Variants in WBP4 observed in about 807,000 individuals in gnomAD.
The protein encoded by WBP4 is WW domain-binding protein 4.
WBP4 carries 37 observed loss-of-function variants against 55.4 expected under a neutral mutation model. The observed-to-expected ratio is 0.67, with a 90% CI of 0.51 to 0.88. The LOEUF (loss-of-function observed/expected upper bound fraction) is 0.88. Ranked by LOEUF, WBP4 falls within the 40% of genes least tolerant of loss-of-function variation. The probability of loss-of-function intolerance (pLI) is 0.00; values close to 1 mark genes in which losing one functional copy is unlikely to be tolerated. For missense variants in WBP4, 398 were observed against 420.8 expected, an observed-to-expected ratio of 0.95 and a Z score of 0.47; for synonymous variants, 142 against 140.2, an observed-to-expected ratio of 1.01 and a Z score of -0.09.
At chr13:41,082,598 A>T in intron 9 of WBP4, 106 bp from the exon 10 acceptor site, 1 of 984,058 alleles carries the variant, frequency 1.0e-6, no homozygotes, top group Non-Finnish European at 1.5e-6. Flanking sequence ...CTACTCCAAA[A>T]TGAGCAACTT....
At chr13:41,066,441 T>C (rs1247391882) in intron 4 of WBP4, among the ~76,000 whole-genome samples, 13 of 152,206 alleles carry the variant, frequency 8.5e-5, no homozygotes, top group Admixed American at 8.5e-4. Context: ...ACATATTTTG[T>C]GCTGCGGTCT....
chr13:41,065,288 G>GAA lies in WBP4; in HGVS notation c.262+1_262+2insAA. 12 of 1,172,402 alleles carry GAA rather than the reference G, an allele frequency of 1.0e-5. No homozygotes were observed. Among genetic ancestry groups the GAA allele is most frequent in the South Asian group, 1.7e-5 (1 of 58,150 alleles). 72.6% of individuals were successfully genotyped at this position (1,172,402 alleles called of 1,614,324 possible). ...TTGAAAAGACTTGGCTTAGAGTCAG[G>GAA]TAAAAAAAAAAAAAAAAAAAAAGCA... On this transcript the variant is annotated splice_donor_variant, in intron 4 of 9. Coordinates refer to ENST00000379487, the MANE Select transcript of WBP4 (RefSeq NM_007187.5). LOFTEE classifies it high-confidence loss of function.
At position 41,082,993 on chromosome 13, in the gene WBP4, A is replaced by G. The variant is rs1878852190; in HGVS notation, c.*79A>G. 1.6e-6 allele frequency: 2 copies of G among 1,281,896 alleles called. No homozygotes were observed. Among genetic ancestry groups the G allele is most frequent in the Non-Finnish European group, 2.2e-6 (2 of 921,820 alleles). 79.4% of individuals were successfully genotyped at this position (1,281,896 alleles called of 1,614,324 possible). ...CCAAAGTTTATCTGTGTTTGTTTGT[A>G]AGTATTATGATGCTAAAAATTTAGA... On this transcript the variant is annotated 3_prime_UTR_variant, in exon 10 of 10. Transcript: ENST00000379487.
At chr13:41,072,634 A>G (rs1878297599) in intron 6 of WBP4, 148 bp from the exon 7 acceptor site, 1 of 641,326 alleles carries the variant, frequency 1.6e-6, no homozygotes, top group Non-Finnish European at 2.7e-6. Context: ...GGAGGATTAC[A>G]AGTCTACATG....
At chr13:41,080,359 A>G (rs1878715304) in intron 8 of WBP4, among the ~76,000 whole-genome samples, 1 of 152,208 alleles carries the variant, frequency 6.6e-6, no homozygotes, top group African/African-American at 2.4e-5. Flanking sequence ...AAAGCAAGAA[A>G]GCAGAAGAGA....
chr13:41,070,409 T>C (rs1422132733), intron 5 of WBP4, among the ~76,000 whole-genome samples: 1 of 151,926 alleles, frequency 6.6e-6, no homozygotes, highest in African/African-American at 2.4e-5. Context: ...TGGGAAATAG[T>C]GGTCGAGGTA....
intron 7 of WBP4, among the ~76,000 whole-genome samples, chr13:41,073,524 A>G (rs1878342896): frequency 6.6e-6 from 1 of 152,014 alleles, no homozygotes; most frequent in African/African-American, 2.4e-5. Context: ...AAAAAAAAAA[A>G]AAAAAGTAGG....
chr13:41,082,718 T>C lies in WBP4; in HGVS notation c.935T>C (p.Leu312Ser). 6.2e-7 allele frequency: 1 copy of C among 1,614,020 alleles called. No homozygotes were observed. The highest frequency in any genetic ancestry group is 1.1e-5 in the South Asian group (1 of 91,084). Residue 312 changes from leucine to serine, a missense_variant, in exon 10 of 10, where the codon TTG becomes TCG. Leu to Ser is a moderately radical substitution (Grantham distance 145, BLOSUM62 -2). Coordinates refer to ENST00000379487, the MANE Select transcript of WBP4 (RefSeq NM_007187.5). ...TCTATTTCCAGTGAGGAGGTAGATT[T>C]GGAACTTCCAAGCACTGAAAATGAG... ...QEVESHEEVD[L>S]ELPSTENEYV...
At chr13:41,078,370 C>T (rs909998528) in intron 8 of WBP4, among the ~76,000 whole-genome samples, 10 of 152,084 alleles carry the variant, frequency 6.6e-5, no homozygotes, top group Admixed American at 5.9e-4. Flanking sequence ...TCAACAAAAT[C>T]AACAAAAATA....
intron 9 of WBP4, among the ~76,000 whole-genome samples, chr13:41,081,342 A>T (rs1878767863): frequency 6.6e-6 from 1 of 151,866 alleles, no homozygotes; most frequent in Non-Finnish European, 1.5e-5. Flanking sequence ...CTACCAAAAA[A>T]AAAAAACTTA....
intron 8 of WBP4, among the ~76,000 whole-genome samples, chr13:41,079,541 C>CAAAAA (rs35433682): frequency 2.0e-5 from 2 of 101,690 alleles, no homozygotes; most frequent in East Asian, 3.2e-4. Flanking sequence ...GACTCCGTCT[C>CAAAAA]AAAAAAAAAA....
At chr13:41,080,920 G>A (rs1409851453) in intron 9 of WBP4, 111 bp downstream of exon 9, 1 of 1,221,548 alleles carries the variant, frequency 8.2e-7, no homozygotes, top group Non-Finnish European at 1.2e-6. Flanking sequence ...TAAAAGTATA[G>A]CTTGAGGCCA....
At chr13:41,068,051 A>AAT (rs947800717) in intron 4 of WBP4, among the ~76,000 whole-genome samples, 2 of 151,986 alleles carry the variant, frequency 1.3e-5, no homozygotes, top group African/African-American at 4.8e-5. Flanking sequence ...TCCTTTTTTT[A>AAT]ATATATATAT....
intron 6 of WBP4, among the ~76,000 whole-genome samples, chr13:41,072,378 A>G (rs1180782331): frequency 6.6e-6 from 1 of 152,250 alleles, no homozygotes; most frequent in Non-Finnish European, 1.5e-5. Flanking sequence ...TACAGGAAGC[A>G]TGGTGGCATG....
chr13:41,081,446 C>A (rs1163521875), intron 9 of WBP4, among the ~76,000 whole-genome samples: 1 of 140,534 alleles, frequency 7.1e-6, no homozygotes. Context: ...TGCAGTGAGC[C>A]ATGTTCACAC....
At position 41,076,206 on chromosome 13, in the gene WBP4, C is replaced by T. The variant is rs150580701; in HGVS notation, c.725C>T (p.Thr242Ile). ...EQEAEEGGVS[T>I]ETEKPKIKFK... Reference sequence around the variant, plus strand: ...GAAGCAGAAGAAGGAGGGGTCTCTACAGAGACAGAAAAGCCAAAAATAAAG... The same window carrying T: ...GAAGCAGAAGAAGGAGGGGTCTCTATAGAGACAGAAAAGCCAAAAATAAAG... The change falls in exon 8 of 10, where the codon ACA (threonine) becomes ATA (isoleucine). Residue 242 changes from threonine (T) to isoleucine (I), a missense_variant. By Grantham distance (89) the Thr-to-Ile change is moderately conservative (BLOSUM62 -1). Coordinates refer to ENST00000379487, the MANE Select transcript of WBP4 (RefSeq NM_007187.5). 1,399 of 1,583,930 alleles carry T rather than the reference C, an allele frequency of 8.8e-4. 2 individuals are homozygous for T. Among genetic ancestry groups the T allele is most frequent in the Non-Finnish European group, 1.1e-3 (1,311 of 1,172,002 alleles).
intron 5 of WBP4, among the ~76,000 whole-genome samples, chr13:41,069,673 T>C (rs1593427704): frequency 1.6e-5 from 2 of 125,572 alleles, no homozygotes; most frequent in African/African-American, 3.1e-5. Context: ...GCCACTGTAC[T>C]CCAGCCTGGG....
chr13:41,068,803 A>G, intron 5 of WBP4, 66 bp downstream of exon 5: 1 of 1,403,144 alleles, frequency 7.1e-7, no homozygotes. Context: ...AATTTATTTT[A>G]TGTTAGGATT....
In WBP4 at chr13:41,062,689, C is replaced by T; in HGVS notation, c.48C>T (p.Cys16=). 1 of 1,613,640 alleles carries T rather than the reference C, an allele frequency of 6.2e-7. No individual in the cohort carries two copies. The highest frequency in any genetic ancestry group is 8.5e-7 in the Non-Finnish European group (1 of 1,179,710). Residue 16 remains cysteine, a synonymous_variant, in exon 2 of 10, where the codon TGC becomes TGT. Coordinates refer to ENST00000379487, the MANE Select transcript of WBP4 (RefSeq NM_007187.5). The stretch of plus-strand genomic sequence containing the variant: ...AGCCAAAGAAATTCTGTGATTACTG[C>T]AAGTGCTGGATAGCAGACAATAGGC... ...KSQPKKFCDY[C]KCWIADNRPS... is the part of the protein sequence containing the mutation.
Sources: allele counts gnomAD v4.1 joint callset (sites outside exome capture counted in the v4.1 genomes callset), GRCh38; gene constraint gnomAD v4.1.1; transcripts MANE v1.5; gene names NCBI Gene and HGNC (gene_info 2026-07-23, HGNC 2026-07-21).